PCDHGA12: variants seen among roughly 807,000 people sequenced by gnomAD.
PCDHGA12 encodes the protein protocadherin gamma-A12.
In PCDHGA12, 43 loss-of-function variants were observed where a neutral mutation model predicts 61.1. The observed-to-expected ratio is 0.70, with a 90% CI of 0.55 to 0.91. The LOEUF (loss-of-function observed/expected upper bound fraction) is 0.91, where lower values mean the gene tolerates loss of function less well. Among genes scored for constraint, PCDHGA12 ranks in the 40% least tolerant of loss-of-function variants. The pLI is 0.00. For missense variants in PCDHGA12, 1,236 were observed against 1,227.7 expected (o/e 1.01, Z -0.10); for synonymous variants, 520 against 542.9 (o/e 0.96, Z 0.59).
chr5:141,441,762 C>T (rs3805697), intron 1 of PCDHGA12: 63,073 of 367,490 alleles, frequency 0.17, 6,544 homozygotes, highest in Admixed American at 0.27. Context: ...CGTGAGCCTG[C>T]GCGTGTTGGT....
At chr5:141,435,055 A>T (rs148331367) in intron 1 of PCDHGA12, among the ~76,000 whole-genome samples, 5 of 152,124 alleles carry the variant, frequency 3.3e-5, no homozygotes, top group Non-Finnish European at 7.4e-5. Flanking sequence ...TTGACCATGC[A>T]GCAGTTTTGT....
intron 1 of PCDHGA12, among the ~76,000 whole-genome samples, chr5:141,444,150 GGATT>G (rs2098419499): frequency 1.8e-5 from 2 of 114,014 alleles, no homozygotes; most frequent in Non-Finnish European, 1.7e-5. Flanking sequence ...TGTGTGTACT[GGATT>G]TTTTTTTTTT....
At chr5:141,481,024 C>CTGGA (rs1200299352) in intron 1 of PCDHGA12, among the ~76,000 whole-genome samples, 3 of 152,122 alleles carry the variant, frequency 2.0e-5, no homozygotes, top group Admixed American at 1.3e-4. Flanking sequence ...CACCACTGCA[C>CTGGA]TCCAGCCTGG....
chr5:141,462,240 A>G (rs375419703), intron 1 of PCDHGA12, among the ~76,000 whole-genome samples: 2 of 152,216 alleles, frequency 1.3e-5, no homozygotes, highest in South Asian at 4.1e-4. Context: ...GATTACAGGT[A>G]TGAGCCACCA....
chr5:141,475,248 C>T (rs1400887912), intron 1 of PCDHGA12, among the ~76,000 whole-genome samples: 2 of 152,166 alleles, frequency 1.3e-5, no homozygotes, highest in African/African-American at 4.8e-5. Context: ...AGAGTGTGCT[C>T]TACAACTGAG....
chr5:141,478,977 T>G (rs1004184325), intron 1 of PCDHGA12, among the ~76,000 whole-genome samples: 12 of 152,210 alleles, frequency 7.9e-5, no homozygotes, highest in Admixed American at 5.2e-4. Flanking sequence ...TTCAAGTGAT[T>G]GTGACATTTG....
rs1348847945 is a variant in PCDHGA12, at chr5:141,493,426, C to G, written c.2425-1381C>G. ...TGCCTCTGCTGGGATTTTGCTTCTG[C>G]TGGGATGGGGCAAGGGTGGGGTTCC... On this transcript the variant is annotated intron_variant, in intron 1 of 3. Transcript: ENST00000252085. The surrounding 1 kb of genome is among the most constrained non-coding windows in gnomAD (Gnocchi z 4.3). Among the ~76,000 whole-genome samples, 2 of 152,144 alleles carry G rather than the reference C, an allele frequency of 1.3e-5. No homozygotes were observed. The highest frequency in any genetic ancestry group is 4.8e-5 in the African/African-American group (2 of 41,424).
At chr5:141,478,087 C>T in intron 1 of PCDHGA12, 1 of 1,614,134 alleles carries the variant, frequency 6.2e-7, no homozygotes, top group East Asian at 2.2e-5. Flanking sequence ...CTTCGCTCTC[C>T]ACCACTGCTA....
chr5:141,457,708 T>C (rs1160977721), intron 1 of PCDHGA12, among the ~76,000 whole-genome samples: 1 of 152,260 alleles, frequency 6.6e-6, no homozygotes, highest in Admixed American at 6.5e-5. Context: ...GATGAAACAC[T>C]GTTCCACAAG....
chr5:141,477,298 T>C lies in PCDHGA12; in HGVS notation c.2425-17509T>C. ...TGGTGACCTGCGAAGTTCCACCGGG[T>C]CTCCCTTTCAGCCTTACTTCTTCCC... On this transcript the variant is annotated intron_variant, in intron 1 of 3. Coordinates refer to ENST00000252085, the MANE Select transcript of PCDHGA12 (RefSeq NM_003735.3). This position sits in a 1 kb window ranked among gnomAD's most constrained non-coding sequence, Gnocchi z 4.9. 1 of 1,613,344 alleles carries C rather than the reference T, an allele frequency of 6.2e-7. No individual in the cohort carries two copies. Among genetic ancestry groups the C allele is most frequent in the Non-Finnish European group, 8.5e-7 (1 of 1,179,870 alleles).
chr5:141,494,785 T>G, intron 1 of PCDHGA12, 22 bp from the exon 2 acceptor site: 1 of 1,614,016 alleles, frequency 6.2e-7, no homozygotes, highest in Non-Finnish European at 8.5e-7. Flanking sequence ...ACTCAGCCCC[T>G]TTCCCTCTGT....
Position 141,489,956 on chromosome 5 carries a change from C to CTCCAACCT in PCDHGA12, c.2425-4845_2425-4838dup, listed in dbSNP as rs1176419823. Reference sequence around the variant, plus strand: ...ATCGTGCTGGACATCAATGATAATGCTCCAACCTTCCAATCCTCAGTTCTA... The same window carrying CTCCAACCT: ...ATCGTGCTGGACATCAATGATAATGCTCCAACCTTCCAACCTTCCAATCCTCAGTTCTA... On this transcript the variant is annotated intron_variant, in intron 1 of 3. Coordinates refer to ENST00000252085, the MANE Select transcript of PCDHGA12 (RefSeq NM_003735.3). The surrounding 1 kb of genome is among the most constrained non-coding windows in gnomAD (Gnocchi z 4.5). 16 of 1,614,012 alleles carry CTCCAACCT rather than the reference C, an allele frequency of 9.9e-6. No individual in the cohort carries two copies. The highest frequency in any genetic ancestry group is 1.4e-5 in the Non-Finnish European group (16 of 1,179,974).
rs192227219 is a variant in PCDHGA12 at position 141,501,899 on chromosome 5, A to G, written c.2484-3494A>G. Among the ~76,000 whole-genome samples the G allele has an allele frequency of 1.0e-3, 159 of 152,024 alleles. 1 individual carries two copies. The highest frequency in any genetic ancestry group is 6.8e-3 in the Middle Eastern group (2 of 294). ...TACACTCCTGATCATCATGGTTCCA[A>G]CCCCACTGTTCCACTCAGCTTTGTT... is the stretch of plus-strand genomic sequence containing the variant. On this transcript the variant is annotated intron_variant, in intron 2 of 3. Transcript: ENST00000252085.
At chr5:141,441,554 G>T (rs3805698) in intron 1 of PCDHGA12, 21,236 of 192,824 alleles carry the variant, frequency 0.11, 1,386 homozygotes, top group African/African-American at 0.18. Flanking sequence ...TCCATAGTGT[G>T]CAAGTAGACA....
intron 2 of PCDHGA12, among the ~76,000 whole-genome samples, chr5:141,500,431 G>A (rs1340129330): frequency 6.6e-6 from 1 of 151,476 alleles, no homozygotes; most frequent in Non-Finnish European, 1.5e-5. Flanking sequence ...GGATGGTCTC[G>A]ATCTCCTGAC....
chr5:141,500,498 C>T (rs1487770160), intron 2 of PCDHGA12, among the ~76,000 whole-genome samples: 5 of 152,120 alleles, frequency 3.3e-5, no homozygotes, highest in African/African-American at 7.2e-5. Context: ...CGTGAGCCAC[C>T]GCGCCTGGCC....
rs1165828230 is a variant in PCDHGA12, at chr5:141,511,464, C to T, written c.*291C>T. On this transcript the variant is annotated 3_prime_UTR_variant, in exon 4 of 4. Coordinates refer to ENST00000252085, the MANE Select transcript of PCDHGA12 (RefSeq NM_003735.3). ...ACACCAAGAACCATTTGCCACACCCCGTTTAGTTACAGCTGAACTCCTCCA... is the reference window on the plus strand; with the variant it reads ...ACACCAAGAACCATTTGCCACACCCTGTTTAGTTACAGCTGAACTCCTCCA... 9 of 538,254 alleles carry T rather than the reference C, an allele frequency of 1.7e-5. No individual in the cohort carries two copies. The highest frequency in any genetic ancestry group is 7.8e-5 in the East Asian group (2 of 25,720). 33.3% of individuals were successfully genotyped at this position (538,254 alleles called of 1,614,324 possible).
At chr5:141,510,139 G>T (rs931012964) in intron 3 of PCDHGA12, among the ~76,000 whole-genome samples, 1 of 152,136 alleles carries the variant, frequency 6.6e-6, no homozygotes, top group Non-Finnish European at 1.5e-5. Context: ...CTGGGCTAGT[G>T]GTGTGCACCT....
At position 141,477,855 on chromosome 5, in the gene PCDHGA12, T is replaced by C; in HGVS notation, c.2425-16952T>C. The C allele has an allele frequency of 1.2e-6, 2 of 1,613,698 alleles. No individual in the cohort carries two copies. The highest frequency in any genetic ancestry group is 1.7e-6 in the Non-Finnish European group (2 of 1,179,882). On this transcript the variant is annotated intron_variant, in intron 1 of 3. Coordinates refer to ENST00000252085, the MANE Select transcript of PCDHGA12 (RefSeq NM_003735.3). The surrounding 1 kb of genome is among the most constrained non-coding windows in gnomAD (Gnocchi z 4.9). ...CCAGGTGGGAGCTCGGTGGAGATGC[T>C]GCCTCGAGGTACCTCAGCTGGCCAC...
Sources: gnomAD v4.1 joint callset for allele counts (sites outside exome capture counted in the v4.1 genomes callset) on GRCh38, gnomAD v4.1.1 for gene constraint, Gnocchi (gnomAD v3.1) non-coding constraint, MANE v1.5 for transcripts, NCBI Gene and HGNC (gene_info 2026-07-23, HGNC 2026-07-21) for gene names.